NRXN3: variants seen among roughly 807,000 people sequenced by gnomAD.
NRXN3 encodes the protein neurexin III.
In NRXN3, 32 loss-of-function variants were observed where a neutral mutation model predicts 137.6. The observed-to-expected ratio is 0.23, with a 90% CI of 0.18 to 0.31. The LOEUF (loss-of-function observed/expected upper bound fraction) is 0.31. Ranked by LOEUF, NRXN3 falls within the 10% of genes least tolerant of loss-of-function variation. The pLI is 1.00. For missense variants in NRXN3, 1,574 were observed against 2,062.5 expected, an observed-to-expected ratio of 0.76 and a Z score of 4.59; for synonymous variants, 798 against 784.5, an observed-to-expected ratio of 1.02 and a Z score of -0.29.
At chr14:79,753,821 G>C (rs1418727708) in intron 19 of NRXN3, among the ~76,000 whole-genome samples, 2 of 151,856 alleles carry the variant, frequency 1.3e-5, no homozygotes, top group Non-Finnish European at 2.9e-5. Flanking sequence ...TATATATACA[G>C]TCCTCTGTAT....
intron 15 of NRXN3, among the ~76,000 whole-genome samples, chr14:79,207,619 G>A (rs764123567): frequency 3.4e-4 from 51 of 152,224 alleles, no homozygotes; most frequent in African/African-American, 1.1e-3. Context: ...AATTGCCACC[G>A]GAATGTACCC....
chr14:79,372,064 A>G (rs1017198243), intron 15 of NRXN3, among the ~76,000 whole-genome samples: 1 of 152,158 alleles, frequency 6.6e-6, no homozygotes, highest in Admixed American at 6.5e-5. Flanking sequence ...CAGTGTATAC[A>G]AAGCATTTAT....
intron 15 of NRXN3, among the ~76,000 whole-genome samples, chr14:79,284,503 G>A (rs2081927204): frequency 6.6e-6 from 1 of 151,572 alleles, no homozygotes; most frequent in African/African-American, 2.4e-5. Flanking sequence ...TAAAACAGCA[G>A]ACTTTCCTGC....
At position 78,244,647 on chromosome 14, in the gene NRXN3, G is replaced by A. The variant is rs75523811; in HGVS notation, c.709+845G>A. ...ACCCTCTGGGAGGTGTCTAGAAGGT[G>A]GATGAGGCATCTGCGCCAGGCCCTT... On this transcript the variant is annotated intron_variant, in intron 2 of 20. Transcript: ENST00000335750. Among the ~76,000 whole-genome samples the A allele has an allele frequency of 2.7e-3, 418 of 152,254 alleles. 5 individuals are homozygous for A. The highest frequency in any genetic ancestry group is 9.3e-3 in the African/African-American group (387 of 41,548).
At chr14:78,954,767 GTTTTTTTTTTTTTTT>G (rs531410595) in intron 10 of NRXN3, among the ~76,000 whole-genome samples, 1 of 130,380 alleles carries the variant, frequency 7.7e-6, no homozygotes, top group Non-Finnish European at 1.6e-5. Flanking sequence ...ACCTGGCCTG[GTTTTTTTTTTTTTTT>G]TTTTTTTTAC....
intron 4 of NRXN3, among the ~76,000 whole-genome samples, chr14:78,495,525 T>C (rs985300526): frequency 2.0e-5 from 3 of 152,094 alleles, no homozygotes; most frequent in Non-Finnish European, 4.4e-5. Flanking sequence ...TTTAAGTGAG[T>C]AACAGAACAA....
intron 15 of NRXN3, among the ~76,000 whole-genome samples, chr14:79,398,627 T>G (rs891612585): frequency 2.0e-5 from 3 of 152,044 alleles, no homozygotes; most frequent in African/African-American, 7.2e-5. Context: ...GTTCTCAACC[T>G]CTGCCATTAA....
intron 10 of NRXN3, among the ~76,000 whole-genome samples, chr14:78,884,286 A>G (rs1026830615): frequency 6.6e-6 from 1 of 152,202 alleles, no homozygotes; most frequent in African/African-American, 2.4e-5. Context: ...TTTAAAAATA[A>G]ATAACATTGA....
intron 15 of NRXN3, among the ~76,000 whole-genome samples, chr14:79,190,781 C>G (rs1479353058): frequency 6.6e-6 from 1 of 152,106 alleles, no homozygotes; most frequent in Non-Finnish European, 1.5e-5. Context: ...ATTCTGAACC[C>G]TTTCTTCTCA....
chr14:79,214,484 C>A (rs1197629913), intron 15 of NRXN3, among the ~76,000 whole-genome samples: 5 of 152,104 alleles, frequency 3.3e-5, no homozygotes, highest in Non-Finnish European at 7.4e-5. Flanking sequence ...ATGTTCCCAA[C>A]ACAAAGAAAT....
chr14:79,629,859 T>G (rs1172532326), intron 16 of NRXN3, among the ~76,000 whole-genome samples: 1 of 150,772 alleles, frequency 6.6e-6, no homozygotes, highest in Non-Finnish European at 1.5e-5. Flanking sequence ...GTGTGTGTTA[T>G]GCACAGTGGC....
chr14:78,901,905 A>T (rs568800608), intron 10 of NRXN3, among the ~76,000 whole-genome samples: 1 of 152,134 alleles, frequency 6.6e-6, no homozygotes, highest in East Asian at 1.9e-4. Context: ...CTTCTCTCAA[A>T]TATTCAGGAT....
rs549000786 is a variant in NRXN3, at chr14:79,356,979, C to T, written c.3263-110242C>T. Among the ~76,000 whole-genome samples the T allele has an allele frequency of 6.6e-5, 10 of 152,260 alleles. No individual in the cohort carries two copies. The East Asian group carries it at 1.5e-3, about 24-fold the overall frequency. On this transcript the variant is annotated intron_variant, in intron 15 of 20. Transcript: ENST00000335750. ...CTCACCTCAAGTGATCTGCCCACCT[C>T]GTCCTCCCAAAGTGCTGGGATTAGA...
intron 4 of NRXN3, among the ~76,000 whole-genome samples, chr14:78,389,282 C>T (rs1056467314): frequency 6.6e-6 from 1 of 152,106 alleles, no homozygotes; most frequent in African/African-American, 2.4e-5. Context: ...TCTTGAACTC[C>T]TCACCTCAGG....
intron 4 of NRXN3, among the ~76,000 whole-genome samples, chr14:78,346,226 C>G (rs1435732706): frequency 6.6e-6 from 1 of 152,208 alleles, no homozygotes; most frequent in Non-Finnish European, 1.5e-5. Flanking sequence ...GACTGCGGCT[C>G]TTGCCCATCC....
In NRXN3 at chr14:79,571,474, G is replaced by A. The variant is rs148100473; in HGVS notation, c.3445-92304G>A. On this transcript the variant is annotated intron_variant, in intron 16 of 20. Coordinates refer to ENST00000335750, the MANE Select transcript of NRXN3 (RefSeq NM_001330195.2). ...CTAAAATAGGAACTGGCAGCTGGGG[G>A]TGATGAGAGAAATGAAGGCAGTCAG... Among the ~76,000 whole-genome samples the A allele has an allele frequency of 6.3e-3, 964 of 152,222 alleles. 12 individuals carry two copies. The highest frequency in any genetic ancestry group is 0.044 in the Middle Eastern group (13 of 294).
chr14:79,358,863 G>T (rs2093583075), intron 15 of NRXN3, among the ~76,000 whole-genome samples: 1 of 152,062 alleles, frequency 6.6e-6, no homozygotes. Flanking sequence ...TACCCTTAAA[G>T]ATGTGACTTA....
chr14:78,237,224 T>C (rs2066432843), intron 1 of NRXN3, among the ~76,000 whole-genome samples: 1 of 152,194 alleles, frequency 6.6e-6, no homozygotes, highest in African/African-American at 2.4e-5. Flanking sequence ...TTCTGCTAGT[T>C]TGTCAGTGAC....
At chr14:78,864,683 T>C (rs546962578) in intron 10 of NRXN3, among the ~76,000 whole-genome samples, 1 of 152,250 alleles carries the variant, frequency 6.6e-6, no homozygotes, top group East Asian at 1.9e-4. Context: ...TATGTGACAT[T>C]GGAGCCTTTG....
Sources: allele counts gnomAD v4.1 joint callset (sites outside exome capture counted in the v4.1 genomes callset), GRCh38; gene constraint gnomAD v4.1.1; transcripts MANE v1.5; gene names NCBI Gene and HGNC (gene_info 2026-07-23, HGNC 2026-07-21).